Variants in AKT3 observed in about 807,000 individuals in gnomAD.
AKT3 encodes the protein RAC-gamma serine/threonine-protein kinase.
In AKT3, 15 loss-of-function variants were observed where a neutral mutation model predicts 65.3. The ratio of observed to expected loss-of-function variants is 0.23; its 90% CI spans 0.15 to 0.35. The LOEUF is 0.35. Ranked by LOEUF, AKT3 falls within the 10% of genes least tolerant of loss-of-function variation. The pLI, the probability that AKT3 is intolerant of heterozygous loss-of-function variation, is 1.00. For missense variants in AKT3, 243 were observed against 576.5 expected (o/e 0.42, Z 5.92); for synonymous variants, 206 against 183.8 (o/e 1.12, Z -0.98).
chr1:243,736,380 T>C (rs1386863857), intron 2 of AKT3, among the ~76,000 whole-genome samples: 1 of 152,120 alleles, frequency 6.6e-6, no homozygotes, highest in Non-Finnish European at 1.5e-5. Context: ...TCCAAAAACC[T>C]GGGGTCAAGA....
intron 6 of AKT3, among the ~76,000 whole-genome samples, chr1:243,625,824 C>T (rs1287437089): frequency 6.6e-6 from 1 of 152,138 alleles, no homozygotes; most frequent in African/African-American, 2.4e-5. Flanking sequence ...GATGCAGGAA[C>T]CTTATTACTG....
intron 12 of AKT3, among the ~76,000 whole-genome samples, chr1:243,543,042 C>T (rs1282038647): frequency 6.6e-6 from 1 of 151,880 alleles, no homozygotes; most frequent in Non-Finnish European, 1.5e-5. Context: ...AAGTGGCACC[C>T]ATTAAAAAAA....
chr1:243,759,996 C>T (rs1689384441), intron 2 of AKT3, among the ~76,000 whole-genome samples: 1 of 152,216 alleles, frequency 6.6e-6, no homozygotes, highest in African/African-American at 2.4e-5. Flanking sequence ...CACAGATCTG[C>T]ACCCTAGATT....
intron 6 of AKT3, among the ~76,000 whole-genome samples, chr1:243,633,612 T>C (rs1312724328): frequency 6.6e-6 from 1 of 151,944 alleles, no homozygotes; most frequent in East Asian, 1.9e-4. Flanking sequence ...ATATAACCTA[T>C]ACAAAGAAAA....
intron 13 of AKT3, among the ~76,000 whole-genome samples, chr1:243,491,265 C>T (rs1044604159): frequency 4.6e-5 from 7 of 152,144 alleles, no homozygotes; most frequent in Non-Finnish European, 7.4e-5. Context: ...TTTCACAAAA[C>T]GCATTAAAAA....
intron 2 of AKT3, among the ~76,000 whole-genome samples, chr1:243,696,517 T>C (rs1254485247): frequency 6.6e-6 from 1 of 152,042 alleles, no homozygotes; most frequent in Non-Finnish European, 1.5e-5. Flanking sequence ...TCCATGATGC[T>C]ACAAGAGCTA....
chr1:243,678,750 A>T (rs1305396878), intron 3 of AKT3, among the ~76,000 whole-genome samples: 2 of 152,118 alleles, frequency 1.3e-5, no homozygotes, highest in African/African-American at 4.8e-5. Context: ...CTCTAAATTC[A>T]TGTCTCTTTT....
intron 8 of AKT3, among the ~76,000 whole-genome samples, chr1:243,599,600 G>C (rs372927054): frequency 6.6e-6 from 1 of 152,038 alleles, no homozygotes; most frequent in African/African-American, 2.4e-5. Flanking sequence ...AAACCCTAAA[G>C]CTACCACCAT....
chr1:243,650,130 A>G (rs1323160532), intron 4 of AKT3, among the ~76,000 whole-genome samples: 1 of 152,090 alleles, frequency 6.6e-6, no homozygotes, highest in Non-Finnish European at 1.5e-5. Flanking sequence ...ATGGTATCTC[A>G]TTGTGTTTTG....
At chr1:243,557,303 A>T (rs941490049) in intron 10 of AKT3, among the ~76,000 whole-genome samples, 1 of 152,072 alleles carries the variant, frequency 6.6e-6, no homozygotes, top group Admixed American at 6.6e-5. Flanking sequence ...CAGTGTTTCC[A>T]GTTAGGGTTA....
At chr1:243,743,758 C>T (rs1688310501) in intron 2 of AKT3, among the ~76,000 whole-genome samples, 1 of 152,182 alleles carries the variant, frequency 6.6e-6, no homozygotes, top group Non-Finnish European at 1.5e-5. Flanking sequence ...CTACACCTGT[C>T]ATGCCTGTAA....
chr1:243,704,758 A>T (rs1263268607), intron 2 of AKT3, among the ~76,000 whole-genome samples: 1 of 152,196 alleles, frequency 6.6e-6, no homozygotes. Flanking sequence ...CTACCCTTTC[A>T]TCTAGAATAA....
intron 6 of AKT3, among the ~76,000 whole-genome samples, chr1:243,620,970 C>T (rs554188035): frequency 7.2e-5 from 11 of 152,152 alleles, no homozygotes; most frequent in African/African-American, 1.7e-4. Flanking sequence ...GATAAATTTA[C>T]ACAAACATAT....
chr1:243,548,842 T>C (rs764966545), intron 11 of AKT3, among the ~76,000 whole-genome samples: 4 of 152,208 alleles, frequency 2.6e-5, no homozygotes, highest in Admixed American at 6.5e-5. Context: ...AAAATGATAG[T>C]TGACCCTTGG....
intron 2 of AKT3, among the ~76,000 whole-genome samples, chr1:243,800,351 T>C (rs1692305407): frequency 6.6e-6 from 1 of 152,194 alleles, no homozygotes; most frequent in African/African-American, 2.4e-5. Flanking sequence ...GCCTGGCACA[T>C]AATATGTTTT....
intron 2 of AKT3, among the ~76,000 whole-genome samples, chr1:243,807,189 G>C (rs945033177): frequency 3.3e-5 from 5 of 152,200 alleles, no homozygotes; most frequent in Non-Finnish European, 7.3e-5. Flanking sequence ...AGTGGGTGCA[G>C]GACAGGGGGT....
chr1:243,839,639 A>G (rs1206791449), intron 2 of AKT3, among the ~76,000 whole-genome samples: 4 of 152,184 alleles, frequency 2.6e-5, no homozygotes, highest in East Asian at 3.8e-4. Flanking sequence ...CTACGTAATA[A>G]TGAATATTTA....
chr1:243,831,941 A>C (rs1265939363), intron 2 of AKT3, among the ~76,000 whole-genome samples: 6 of 151,932 alleles, frequency 3.9e-5, no homozygotes, highest in Admixed American at 3.9e-4. Flanking sequence ...TCTATACCTA[A>C]CTTGAAATAT....
At chr1:243,625,882 C>G (rs1679123548) in intron 6 of AKT3, among the ~76,000 whole-genome samples, 1 of 152,030 alleles carries the variant, frequency 6.6e-6, no homozygotes, top group Admixed American at 6.6e-5. Flanking sequence ...ATAGATTGTT[C>G]CTAAAGGGAC....
Sources: gnomAD v4.1 joint callset for allele counts (sites outside exome capture counted in the v4.1 genomes callset) on GRCh38, gnomAD v4.1.1 for gene constraint, MANE v1.5 for transcripts, NCBI Gene and HGNC (gene_info 2026-07-23, HGNC 2026-07-21) for gene names.